The following RAP1GAP2 variants were observed in gnomAD, a reference collection of about 807,000 sequenced individuals.
RAP1GAP2 encodes the protein RAP1 GTPase activating protein 2, also known as rap1 GTPase-activating protein 2.
A neutral mutation model predicts 95.0 loss-of-function variants in RAP1GAP2; 27 were observed. The ratio of observed to expected loss-of-function variants is 0.28; its 90% CI spans 0.21 to 0.39. The LOEUF is 0.39. RAP1GAP2 is among the 10% of genes least tolerant of loss of function. RAP1GAP2 has a pLI of 1.00. For synonymous variants in RAP1GAP2, 373 were observed against 380.9 expected (o/e 0.98, Z 0.24); for missense variants, 771 against 970.0 (o/e 0.79, Z 2.72).
intron 19 of RAP1GAP2, among the ~76,000 whole-genome samples, chr17:3,025,398 C>T (rs956140739): frequency 2.0e-5 from 3 of 152,186 alleles, no homozygotes; most frequent in East Asian, 1.9e-4. Flanking sequence ...ATTGAGGACA[C>T]GGCCATCCCA....
chr17:2,835,177 C>G (rs970150202), intron 2 of RAP1GAP2, among the ~76,000 whole-genome samples: 9 of 151,152 alleles, frequency 6.0e-5, no homozygotes, highest in African/African-American at 2.2e-4. Context: ...CTGCCTTGGC[C>G]TCCCAAAGTG....
At chr17:2,998,821 A>C (rs1597833936) in intron 14 of RAP1GAP2, among the ~76,000 whole-genome samples, 1 of 151,990 alleles carries the variant, frequency 6.6e-6, no homozygotes, top group East Asian at 1.9e-4. Context: ...CTGTGAGTGT[A>C]GTATTTGGAA....
At chr17:2,995,899 C>T (rs554674656) in intron 13 of RAP1GAP2, among the ~76,000 whole-genome samples, 31 of 152,274 alleles carry the variant, frequency 2.0e-4, no homozygotes, top group Non-Finnish European at 3.4e-4. Flanking sequence ...GCCGCCTGTG[C>T]CACTTTGGAG....
intron 2 of RAP1GAP2, among the ~76,000 whole-genome samples, chr17:2,846,373 T>G (rs964657290): frequency 4.6e-5 from 7 of 152,140 alleles, no homozygotes; most frequent in Non-Finnish European, 8.8e-5. Flanking sequence ...AGCTTGTTGA[T>G]GGACACTTGG....
intron 8 of RAP1GAP2, among the ~76,000 whole-genome samples, chr17:2,979,098 A>G (rs1449668155): frequency 6.6e-6 from 1 of 152,202 alleles, no homozygotes; most frequent in African/African-American, 2.4e-5. Flanking sequence ...AATGTAATTC[A>G]CCAGGTCAAC....
At chr17:2,897,346 A>AAAAC (rs769971051) in intron 2 of RAP1GAP2, among the ~76,000 whole-genome samples, 1 of 152,044 alleles carries the variant, frequency 6.6e-6, no homozygotes, top group Non-Finnish European at 1.5e-5. Context: ...CTCAAAACCA[A>AAAAC]AAACAAACAA....
At chr17:2,877,168 C>T (rs1597490304) in intron 2 of RAP1GAP2, among the ~76,000 whole-genome samples, 2 of 152,188 alleles carry the variant, frequency 1.3e-5, no homozygotes, top group South Asian at 2.1e-4. Context: ...GAATTACAGG[C>T]GTGAGCCACT....
intron 1 of RAP1GAP2, among the ~76,000 whole-genome samples, chr17:2,786,923 A>G (rs1403494432): frequency 1.4e-5 from 2 of 145,226 alleles, no homozygotes; most frequent in East Asian, 4.2e-4. Flanking sequence ...CTGGGATTAC[A>G]GGCGTGAGCC....
rs552228249 is a variant in RAP1GAP2 at position 3,008,323 on chromosome 17, G to T, written c.1494+178G>T. On this transcript the variant is annotated intron_variant, in intron 17 of 24. Transcript: ENST00000254695. This position sits in a 1 kb window ranked among gnomAD's most constrained non-coding sequence, Gnocchi z 4.2. ...GCAGGGCCGTTAGGAAGTGTGTGAG[G>T]CTGGAGCAGCCAGCAGTTTTCTCAG... 2.0e-5 allele frequency among the ~76,000 whole-genome samples: 3 copies of T among 152,320 alleles called. No individual in the cohort carries two copies. Among genetic ancestry groups the T allele is most frequent in the Admixed American group, 2.0e-4 (3 of 15,306 alleles).
upstream of RAP1GAP2, among the ~76,000 whole-genome samples, chr17:2,773,725 CTATTTATTTATTTATTTATT>C (rs58664630): frequency 3.2e-3 from 471 of 147,988 alleles, 3 homozygotes; most frequent in East Asian, 0.016. Flanking sequence ...ACAGTAGACA[CTATTTATTTATTTATTTATT>C]TATTTATTTA....
chr17:2,995,924 C>T (rs1177084072), intron 13 of RAP1GAP2, among the ~76,000 whole-genome samples: 1 of 150,420 alleles, frequency 6.6e-6, no homozygotes. Flanking sequence ...TGACTCTGGG[C>T]AAGCCAGTTA....
intron 2 of RAP1GAP2, among the ~76,000 whole-genome samples, chr17:2,820,060 C>T (rs551587447): frequency 5.3e-5 from 8 of 152,136 alleles, no homozygotes; most frequent in African/African-American, 9.7e-5. Context: ...GGATTACAGG[C>T]GGGAGCCACC....
At chr17:2,917,515 C>T (rs1255486663) in intron 3 of RAP1GAP2, among the ~76,000 whole-genome samples, 4 of 152,084 alleles carry the variant, frequency 2.6e-5, no homozygotes, top group African/African-American at 9.7e-5. Context: ...GGTGATCCAC[C>T]CGCCTTGGGC....
chr17:2,841,019 G>T (rs1320595786), intron 2 of RAP1GAP2, among the ~76,000 whole-genome samples: 1 of 150,434 alleles, frequency 6.6e-6, no homozygotes. Context: ...GACCGGTGTG[G>T]TGGCTCACGC....
At chr17:2,838,659 G>A (rs114672885) in intron 2 of RAP1GAP2, among the ~76,000 whole-genome samples, 3 of 152,176 alleles carry the variant, frequency 2.0e-5, no homozygotes, top group Non-Finnish European at 4.4e-5. Flanking sequence ...GGTGGAATTG[G>A]ATGAATTGGC....
At chr17:2,897,500 TC>T (rs2041875148) in intron 2 of RAP1GAP2, among the ~76,000 whole-genome samples, 3 of 151,626 alleles carry the variant, frequency 2.0e-5, no homozygotes, top group African/African-American at 7.3e-5. Flanking sequence ...AACCTCTGCC[TC>T]CTGGGATCAA....
Position 2,889,475 on chromosome 17 carries a change from C to T in RAP1GAP2, c.81-15809C>T, listed in dbSNP as rs79826472. ...CGGGGGAGTGAGTTTCTGCTCATCA[C>T]GTGGAGATCTTGATCACCCAGTGGA... On this transcript the variant is annotated intron_variant, in intron 2 of 24. Transcript: ENST00000254695. Among the ~76,000 whole-genome samples, 957 of 152,230 alleles carry T rather than the reference C, an allele frequency of 6.3e-3. 15 individuals carry two copies. Among genetic ancestry groups the T allele is most frequent in the African/African-American group, 0.022 (914 of 41,544 alleles).
chr17:3,024,506 A>G (rs1216555001), intron 19 of RAP1GAP2, among the ~76,000 whole-genome samples: 1 of 152,234 alleles, frequency 6.6e-6, no homozygotes, highest in Non-Finnish European at 1.5e-5. Flanking sequence ...AAGGTTAAAC[A>G]TAGAGTTACC....
intron 2 of RAP1GAP2, among the ~76,000 whole-genome samples, chr17:2,879,313 A>C (rs1376350268): frequency 6.7e-6 from 1 of 150,178 alleles, no homozygotes. Flanking sequence ...CTGGGGTTTC[A>C]CCATGTTGGC....
Sources: gnomAD v4.1 joint callset for allele counts (sites outside exome capture counted in the v4.1 genomes callset) on GRCh38, gnomAD v4.1.1 for gene constraint, Gnocchi (gnomAD v3.1) non-coding constraint, MANE v1.5 for transcripts, NCBI Gene and HGNC (gene_info 2026-07-23, HGNC 2026-07-21) for gene names.